SCAF11: variants seen among roughly 807,000 people sequenced by gnomAD.
SCAF11 encodes the protein protein SCAF11.
A neutral mutation model predicts 140.5 loss-of-function variants in SCAF11; 47 were observed. The observed-to-expected ratio is 0.33, with a 90% confidence interval of 0.26 to 0.43. SCAF11 has a LOEUF of 0.43. SCAF11 is among the 20% of genes least tolerant of loss of function. The pLI, the probability that SCAF11 is intolerant of heterozygous loss-of-function variation, is 1.00. For missense variants in SCAF11, 1,645 were observed against 1,705.1 expected (o/e 0.96, Z 0.62); for synonymous variants, 557 against 579.4 (o/e 0.96, Z 0.55).
chr12:45,969,501 T>C (rs1946026393), intron 1 of SCAF11, among the ~76,000 whole-genome samples: 1 of 152,176 alleles, frequency 6.6e-6, no homozygotes, highest in Admixed American at 6.5e-5. Context: ...ACTACAAACT[T>C]TAGAATCCAA....
chr12:45,929,018 A>G, intron 10 of SCAF11, 159 bp from the exon 11 acceptor site: 1 of 412,072 alleles, frequency 2.4e-6, no homozygotes. Context: ...CATCTGAGTA[A>G]TATGACTTAT....
In SCAF11 at chr12:45,967,675, T is replaced by C. The variant is rs145488488; in HGVS notation, c.-21-3487A>G. On this transcript the variant is annotated intron_variant, in intron 1 of 14. Coordinates refer to ENST00000369367, the MANE Select transcript of SCAF11 (RefSeq NM_004719.3). ...AAAGAAATCTGCTTTAAAAACTGTT[T>C]AAGCATTCCAAAGTTTTAGAAGTTG... 1.1e-4 allele frequency among the ~76,000 whole-genome samples: 16 copies of C among 152,346 alleles called. No individual in the cohort carries two copies. The East Asian group carries it at 3.1e-3, about 29-fold the overall frequency.
chr12:45,924,809 T>A lies in SCAF11; in HGVS notation c.3825A>T (p.Gly1275=). The A allele has an allele frequency of 6.2e-7, 1 of 1,613,926 alleles. No homozygotes were observed. Among genetic ancestry groups the A allele is most frequent in the Non-Finnish European group, 8.5e-7 (1 of 1,179,944 alleles). ...QVATPTSVSQ[G]LPPPPPPPPP... The stretch of plus-strand genomic sequence containing the variant: ...GGGGAGGGGGTGGTGGTGGTGGTAG[T>A]CCCTGAGATACACTGGTAGGAGTGG... The change falls in exon 12 of 15, where the codon GGA becomes GGT. Residue 1275 remains glycine (G), a synonymous_variant. Coordinates refer to ENST00000369367, the MANE Select transcript of SCAF11 (RefSeq NM_004719.3).
chr12:45,929,552 C>T (rs1944992551), intron 10 of SCAF11: 1 of 152,164 alleles, frequency 6.6e-6, no homozygotes, highest in Non-Finnish European at 1.5e-5. Flanking sequence ...AATTAATTAA[C>T]AGATGTTACT....
chr12:45,927,739 A>C lies in SCAF11; in HGVS notation c.1962T>G (p.Asn654Lys). ...EIIATCDTFGNEDFNNIQDSE... is the reference protein window; with the variant it reads ...EIIATCDTFGKEDFNNIQDSE... ...AGTCTTGAATATTATTGAAATCTTC[A>C]TTCCCAAAAGTATCACATGTTGCAA... The change falls in exon 11 of 15, where the codon AAT becomes AAG. Residue 654 changes from asparagine to lysine, a missense_variant. By Grantham distance (94) the Asn-to-Lys change is moderately conservative. Around this residue, in one of 2 missense-constraint regions of SCAF11, gnomAD observed 1,582 missense variants for 1,609.2 expected, o/e 0.98. Coordinates refer to ENST00000369367, the MANE Select transcript of SCAF11 (RefSeq NM_004719.3). The C allele has an allele frequency of 6.2e-7, 1 of 1,612,344 alleles. No individual in the cohort carries two copies.
intron 1 of SCAF11, among the ~76,000 whole-genome samples, chr12:45,968,513 A>AT (rs2136630825): frequency 6.6e-6 from 1 of 152,278 alleles, no homozygotes; most frequent in South Asian, 2.1e-4. Flanking sequence ...ATAAGAAGGT[A>AT]TTAAAGCTTG....
chr12:45,927,362 G>T lies in SCAF11; in HGVS notation c.2339C>A (p.Thr780Asn). ...ACGAGGCTTTTTGGTTTTATCTATGGTATCTTTTGGGCTTTCAGATGGTTG... is the reference window on the plus strand; with the variant it reads ...ACGAGGCTTTTTGGTTTTATCTATGTTATCTTTTGGGCTTTCAGATGGTTG... The part of the protein sequence containing the change: ...VSQPSESPKD[T>N]IDKTKKPRTR... The change falls in exon 11 of 15, where the codon ACC becomes AAC. Residue 780 changes from threonine to asparagine, a missense_variant. Transcript: ENST00000369367. The T allele has an allele frequency of 5.0e-6, 8 of 1,614,018 alleles. No homozygotes were observed. Among genetic ancestry groups the T allele is most frequent in the Non-Finnish European group, 6.8e-6 (8 of 1,179,976 alleles).
rs1402239268 is a variant in SCAF11, at chr12:45,954,100, G to A, written c.220-2373C>T. 6.6e-5 allele frequency among the ~76,000 whole-genome samples: 10 copies of A among 152,206 alleles called. No homozygotes were observed. In the East Asian group the frequency reaches 7.7e-4, roughly 12 times the overall value. ...GACACTAAGATCCAAAGAAAGTCACGTGTTCAAGAAATTTGTATCAGATGC... is the reference window on the plus strand; with the variant it reads ...GACACTAAGATCCAAAGAAAGTCACATGTTCAAGAAATTTGTATCAGATGC... On this transcript the variant is annotated intron_variant, in intron 3 of 14. Coordinates refer to ENST00000369367, the MANE Select transcript of SCAF11 (RefSeq NM_004719.3).
chr12:45,972,893 GATAT>G (rs377736896), intron 1 of SCAF11, among the ~76,000 whole-genome samples: 1,507 of 63,712 alleles, frequency 0.024, 129 homozygotes, highest in African/African-American at 0.17. Context: ...TATATATATA[GATAT>G]ATATATATAT....
intron 4 of SCAF11, among the ~76,000 whole-genome samples, chr12:45,951,310 T>C (rs1164649889): frequency 2.0e-5 from 3 of 152,240 alleles, no homozygotes; most frequent in South Asian, 4.1e-4. Context: ...CTTTGAAATA[T>C]GGGAAGAAGT....
intron 11 of SCAF11, among the ~76,000 whole-genome samples, 190 bp from the exon 12 acceptor site, chr12:45,925,264 A>G (rs999668534): frequency 6.6e-6 from 1 of 152,238 alleles, no homozygotes; most frequent in Non-Finnish European, 1.5e-5. Flanking sequence ...AATGAAAGAA[A>G]ACATTTGGCG....
intron 2 of SCAF11, among the ~76,000 whole-genome samples, chr12:45,963,684 C>T (rs1237424985): frequency 6.6e-6 from 1 of 152,068 alleles, no homozygotes; most frequent in African/African-American, 2.4e-5. Flanking sequence ...TAAAAGAACT[C>T]AAATAATGGA....
chr12:45,986,554 T>C (rs1363268513), intron 1 of SCAF11, among the ~76,000 whole-genome samples: 1 of 152,192 alleles, frequency 6.6e-6, no homozygotes, highest in African/African-American at 2.4e-5. Flanking sequence ...AGTTTTGCCT[T>C]CTGGAACTAT....
intron 13 of SCAF11, 138 bp downstream of exon 13, chr12:45,922,796 TAG>T (rs547847510): frequency 3.5e-6 from 3 of 861,256 alleles, no homozygotes; most frequent in South Asian, 1.7e-5. Flanking sequence ...TCAACACATC[TAG>T]AGAGAATCCT....
intron 1 of SCAF11, among the ~76,000 whole-genome samples, chr12:45,989,638 C>G (rs1029571510): frequency 3.3e-5 from 5 of 152,200 alleles, no homozygotes; most frequent in African/African-American, 1.2e-4. Context: ...ATTCCTAGGT[C>G]TCAGAAGGGG....
rs911540373 is a variant in SCAF11, at chr12:45,990,454, C to T, written c.-123G>A. 1.5e-5 allele frequency: 19 copies of T among 1,231,552 alleles called. 1 individual carries two copies. Among genetic ancestry groups the T allele is most frequent in the Middle Eastern group, 3.1e-4 (1 of 3,236 alleles). The allele number at this position is 1,231,552 out of a possible 1,614,324, so 76.3% of individuals were successfully genotyped here. ...AGTTCCCCAACATGGACTCCTTCGTCCGCTTTGTGGTGTTACAGGGTCTCT... is the reference window on the plus strand; with the variant it reads ...AGTTCCCCAACATGGACTCCTTCGTTCGCTTTGTGGTGTTACAGGGTCTCT... On this transcript the variant is annotated 5_prime_UTR_variant, in exon 1 of 15. Coordinates refer to ENST00000369367, the MANE Select transcript of SCAF11 (RefSeq NM_004719.3).
intron 1 of SCAF11, among the ~76,000 whole-genome samples, chr12:45,981,214 A>G (rs1946341869): frequency 6.6e-6 from 1 of 152,212 alleles, no homozygotes; most frequent in Non-Finnish European, 1.5e-5. Flanking sequence ...TATGTTCACC[A>G]TGACTAACAC....
intron 1 of SCAF11, chr12:45,974,443 G>A (rs1946186229): frequency 1.3e-5 from 4 of 306,684 alleles, no homozygotes; most frequent in Non-Finnish European, 2.0e-5. Flanking sequence ...ACAGCAGAAT[G>A]TCTTTCAAAA....
chr12:45,991,123 A>T (rs1946599581), upstream of SCAF11, among the ~76,000 whole-genome samples: 1 of 152,208 alleles, frequency 6.6e-6, no homozygotes, highest in Non-Finnish European at 1.5e-5. Context: ...CCCACCTGAA[A>T]TGCAGCCTGT....
Sources: allele counts gnomAD v4.1 joint callset (sites outside exome capture counted in the v4.1 genomes callset), GRCh38; gene constraint gnomAD v4.1.1; regional missense constraint gnomAD v4.1.1; transcripts MANE v1.5; gene names NCBI Gene and HGNC (gene_info 2026-07-23, HGNC 2026-07-21).